The following TSPAN9 variants were observed in gnomAD, a reference collection of about 807,000 sequenced individuals.
The protein encoded by TSPAN9 is tetraspanin 9, also known as tetraspanin-9.
TSPAN9 carries 16 observed loss-of-function variants against 31.0 expected under a neutral mutation model. That is an observed-to-expected ratio of 0.52 (90% CI 0.35 to 0.78). TSPAN9 has a LOEUF of 0.78. Among genes scored for constraint, TSPAN9 ranks in the 30% least tolerant of loss-of-function variants. The pLI is 0.01. For missense variants in TSPAN9, 272 were observed against 312.5 expected (o/e 0.87, Z 0.98); for synonymous variants, 145 against 121.6 (o/e 1.19, Z -1.27).
chr12:3,107,243 G>T lies in TSPAN9; in HGVS notation c.-18+23524G>T, dbSNP rs149208417. 7.9e-5 allele frequency among the ~76,000 whole-genome samples: 12 copies of T among 152,312 alleles called. No individual in the cohort carries two copies. The East Asian group carries it at 2.3e-3, about 29-fold the overall frequency. On this transcript the variant is annotated intron_variant, in intron 2 of 8. Transcript: ENST00000011898. The surrounding 1 kb of genome is among the most constrained non-coding windows in gnomAD (Gnocchi z 4.1). ...GCTGCCTCCATAAATTTGAGTTAGA[G>T]TGGTGGAGGGGCCAGACTGTTACTC...
chr12:3,238,525 C>T (rs528909587), intron 3 of TSPAN9, among the ~76,000 whole-genome samples: 5 of 152,334 alleles, frequency 3.3e-5, no homozygotes, highest in East Asian at 1.9e-4. Flanking sequence ...CCAAACCCTA[C>T]ATGGTCCTGT....
intron 3 of TSPAN9, among the ~76,000 whole-genome samples, chr12:3,277,845 A>T (rs1165650654): frequency 1.3e-5 from 2 of 152,226 alleles, no homozygotes; most frequent in Non-Finnish European, 2.9e-5. Flanking sequence ...CCAGCCGATG[A>T]CTGCCTCCTT....
intron 2 of TSPAN9, among the ~76,000 whole-genome samples, chr12:3,137,701 A>C (rs978154254): frequency 3.9e-5 from 6 of 152,080 alleles, no homozygotes; most frequent in African/African-American, 1.4e-4. Context: ...AGGTTTGCTG[A>C]GAGGGAAGGG....
At chr12:3,208,552 G>A (rs139855766) in intron 3 of TSPAN9, among the ~76,000 whole-genome samples, 2,037 of 152,330 alleles carry the variant, frequency 0.013, 23 homozygotes, top group South Asian at 0.04. Context: ...CCCTTTGGTG[G>A]ATGTTGGATT....
intron 2 of TSPAN9, among the ~76,000 whole-genome samples, chr12:3,138,130 G>T (rs1168927764): frequency 6.6e-6 from 1 of 152,018 alleles, no homozygotes; most frequent in Non-Finnish European, 1.5e-5. Context: ...AGCGGTGCCC[G>T]TTCTGGAATG....
intron 1 of TSPAN9, among the ~76,000 whole-genome samples, chr12:3,080,706 ATTG>A (rs1344589176): frequency 6.6e-6 from 1 of 152,200 alleles, no homozygotes; most frequent in Non-Finnish European, 1.5e-5. Flanking sequence ...GTCTATTTAC[ATTG>A]TTGTGCGACA....
intron 3 of TSPAN9, among the ~76,000 whole-genome samples, chr12:3,268,806 G>GCA (rs1862601373): frequency 7.6e-5 from 4 of 52,474 alleles, no homozygotes; most frequent in Non-Finnish European, 1.0e-4. Flanking sequence ...CCCTCTCTGT[G>GCA]TTCCTGCAAC....
At chr12:3,079,755 C>G (rs1045767745) in intron 1 of TSPAN9, among the ~76,000 whole-genome samples, 1 of 149,126 alleles carries the variant, frequency 6.7e-6, no homozygotes, top group African/African-American at 2.5e-5. Flanking sequence ...AACCACCGTA[C>G]TTAGCCCCTT....
At chr12:3,134,020 C>T (rs868034455) in intron 2 of TSPAN9, among the ~76,000 whole-genome samples, 2 of 152,190 alleles carry the variant, frequency 1.3e-5, no homozygotes, top group African/African-American at 4.8e-5. Context: ...ATTCTTGGAA[C>T]AGCCCCTTAG....
intron 3 of TSPAN9, among the ~76,000 whole-genome samples, chr12:3,245,932 C>G (rs1327204548): frequency 6.6e-6 from 1 of 151,584 alleles, no homozygotes; most frequent in Non-Finnish European, 1.5e-5. Flanking sequence ...ATGCCCAAAT[C>G]TGCCCAGCAA....
chr12:3,168,575 C>A lies in TSPAN9; in HGVS notation c.-17-32602C>A, dbSNP rs1237534241. Among the ~76,000 whole-genome samples, 1 of 152,106 alleles carries A rather than the reference C, an allele frequency of 6.6e-6. No individual in the cohort carries two copies. Among genetic ancestry groups the A allele is most frequent in the Non-Finnish European group, 1.5e-5 (1 of 68,026 alleles). On this transcript the variant is annotated intron_variant, in intron 2 of 8. Coordinates refer to ENST00000011898, the MANE Select transcript of TSPAN9 (RefSeq NM_006675.5). This position sits in a 1 kb window ranked among gnomAD's most constrained non-coding sequence, Gnocchi z 4.0. ...GGAGCTGACTTACTTTCTCTTTGCC[C>A]CCCTCTATTTCTATGTGTGAGTCAT...
chr12:3,264,184 G>A (rs1270122411), intron 3 of TSPAN9, among the ~76,000 whole-genome samples: 1 of 152,220 alleles, frequency 6.6e-6, no homozygotes, highest in East Asian at 1.9e-4. Context: ...GGGGCCAGAG[G>A]GAGGCAGGTG....
At chr12:3,156,224 A>G (rs541464500) in intron 2 of TSPAN9, among the ~76,000 whole-genome samples, 1 of 152,276 alleles carries the variant, frequency 6.6e-6, no homozygotes, top group East Asian at 1.9e-4. Context: ...GAGGAAGGGA[A>G]AATGGTACTG....
chr12:3,101,693 G>A (rs114991462), intron 2 of TSPAN9, among the ~76,000 whole-genome samples: 2,560 of 152,130 alleles, frequency 0.017, 77 homozygotes, highest in African/African-American at 0.056. Context: ...TTCTGACTTC[G>A]GCCTGACTGG....
At chr12:3,077,801 C>G (rs1328622246) in intron 1 of TSPAN9, among the ~76,000 whole-genome samples, 4 of 152,108 alleles carry the variant, frequency 2.6e-5, no homozygotes, top group Admixed American at 2.0e-4. Flanking sequence ...CCCCGTGCAC[C>G]GCTTGGGACA....
chr12:3,138,838 C>T (rs1220619475), intron 2 of TSPAN9, among the ~76,000 whole-genome samples: 4 of 152,260 alleles, frequency 2.6e-5, no homozygotes, highest in African/African-American at 9.6e-5. Context: ...CTTTCTTTCC[C>T]TGCACTTATC....
intron 3 of TSPAN9, among the ~76,000 whole-genome samples, chr12:3,255,301 C>A (rs1013945239): frequency 6.6e-6 from 1 of 152,188 alleles, no homozygotes; most frequent in South Asian, 2.1e-4. Flanking sequence ...GTGGACCCTT[C>A]GCAGAGGTGG....
chr12:3,134,425 G>A (rs1293441756), intron 2 of TSPAN9, among the ~76,000 whole-genome samples: 1 of 152,202 alleles, frequency 6.6e-6, no homozygotes, highest in African/African-American at 2.4e-5. Context: ...AAGGTTCAAG[G>A]AGGGAAGAAA....
chr12:3,235,172 G>T (rs1297435780), intron 3 of TSPAN9, among the ~76,000 whole-genome samples: 1 of 90,706 alleles, frequency 1.1e-5, no homozygotes, highest in Admixed American at 1.6e-4. Flanking sequence ...GACAGAGCGA[G>T]ACTCCGTCTC....
Sources: gnomAD v4.1 joint callset for allele counts (sites outside exome capture counted in the v4.1 genomes callset) on GRCh38, gnomAD v4.1.1 for gene constraint, Gnocchi (gnomAD v3.1) non-coding constraint, MANE v1.5 for transcripts, NCBI Gene and HGNC (gene_info 2026-07-23, HGNC 2026-07-21) for gene names.